DSCAM: variants seen among roughly 807,000 people sequenced by gnomAD.
The protein encoded by DSCAM is DS cell adhesion molecule.
A neutral mutation model predicts 217.7 loss-of-function variants in DSCAM; 47 were observed. The ratio of observed to expected loss-of-function variants is 0.22; its 90% CI spans 0.17 to 0.28. DSCAM has a LOEUF of 0.28. Among genes scored for constraint, DSCAM ranks in the 10% least tolerant of loss-of-function variants. DSCAM has a pLI of 1.00. For synonymous variants in DSCAM, 1,056 were observed against 1,015.3 expected, an observed-to-expected ratio of 1.04 and a Z score of -0.76; for missense variants, 2,080 against 2,618.3, an observed-to-expected ratio of 0.79 and a Z score of 4.49.
intron 3 of DSCAM, among the ~76,000 whole-genome samples, chr21:40,559,782 C>CTTT (rs1568904832): frequency 9.0e-6 from 1 of 111,408 alleles, no homozygotes. Flanking sequence ...TTAAAATTTT[C>CTTT]TGTCTTTTTT....
chr21:40,623,695 T>C (rs2089555910), intron 3 of DSCAM, among the ~76,000 whole-genome samples: 1 of 152,220 alleles, frequency 6.6e-6, no homozygotes, highest in East Asian at 1.9e-4. Flanking sequence ...GAAAGGCCTC[T>C]ACAAATTCAA....
At chr21:40,411,850 C>T (rs1240173711) in intron 3 of DSCAM, among the ~76,000 whole-genome samples, 1 of 152,124 alleles carries the variant, frequency 6.6e-6, no homozygotes, top group Non-Finnish European at 1.5e-5. Flanking sequence ...CACAAACTAC[C>T]AATACTCACT....
At chr21:40,232,399 GCTTTGATACAGCC>G (rs368275942) in intron 11 of DSCAM, among the ~76,000 whole-genome samples, 196 of 152,226 alleles carry the variant, frequency 1.3e-3, no homozygotes, top group African/African-American at 4.5e-3. Flanking sequence ...CATAGGAAAA[GCTTTGATACAGCC>G]CTTTGATACA....
intron 32 of DSCAM, among the ~76,000 whole-genome samples, chr21:40,033,234 G>C (rs909779536): frequency 1.3e-4 from 20 of 152,196 alleles, no homozygotes; most frequent in African/African-American, 4.1e-4. Context: ...CGCAGAAGAC[G>C]GGTGATTTCG....
intron 3 of DSCAM, among the ~76,000 whole-genome samples, chr21:40,604,675 C>T (rs1378740344): frequency 6.6e-6 from 1 of 152,128 alleles, no homozygotes; most frequent in African/African-American, 2.4e-5. Context: ...GGAACTCATT[C>T]TTGAATAGAG....
chr21:40,173,536 G>A (rs549848295), intron 15 of DSCAM, among the ~76,000 whole-genome samples: 1 of 152,164 alleles, frequency 6.6e-6, no homozygotes, highest in Non-Finnish European at 1.5e-5. Context: ...GTTGGTCATG[G>A]GGTGTGCTCG....
intron 2 of DSCAM, among the ~76,000 whole-genome samples, chr21:40,702,281 G>C (rs1379588338): frequency 6.6e-6 from 1 of 152,118 alleles, no homozygotes; most frequent in African/African-American, 2.4e-5. Context: ...TTACAACATA[G>C]AGTGAAATTT....
intron 1 of DSCAM, among the ~76,000 whole-genome samples, chr21:40,822,177 G>C (rs1332189761): frequency 6.6e-6 from 1 of 151,458 alleles, no homozygotes; most frequent in East Asian, 1.9e-4. Flanking sequence ...AAATTAGCTG[G>C]GCATGGTAGA....
intron 30 of DSCAM, among the ~76,000 whole-genome samples, chr21:40,048,237 G>A (rs116436852): frequency 0.029 from 4,477 of 152,334 alleles, 94 homozygotes; most frequent in South Asian, 0.056. Context: ...ACAGCTGGCC[G>A]TGCCCATGAT....
At chr21:40,791,847 A>G (rs920870951) in intron 1 of DSCAM, among the ~76,000 whole-genome samples, 8 of 152,044 alleles carry the variant, frequency 5.3e-5, no homozygotes, top group Non-Finnish European at 1.2e-4. Context: ...ACTGCAGTCC[A>G]TTTCCCCACA....
chr21:40,144,805 C>T lies in DSCAM; in HGVS notation c.3019-74G>A, dbSNP rs1387815628. 17 of 1,586,666 alleles carry T rather than the reference C, an allele frequency of 1.1e-5. No homozygotes were observed. Among genetic ancestry groups the T allele is most frequent in the African/African-American group, 4.0e-5 (3 of 74,134 alleles). On this transcript the variant is annotated intron_variant, in intron 16 of 32. Coordinates refer to ENST00000400454, the MANE Select transcript of DSCAM (RefSeq NM_001389.5). This position sits in a 1 kb window ranked among gnomAD's most constrained non-coding sequence, Gnocchi z 4.8. ...AGAGCGAAATCAACGCCCACACCCACGTAGGAAAGCAGAAATAAAGTGGAG... is the reference window on the plus strand; with the variant it reads ...AGAGCGAAATCAACGCCCACACCCATGTAGGAAAGCAGAAATAAAGTGGAG...
chr21:40,556,300 T>C (rs1423061357), intron 3 of DSCAM, among the ~76,000 whole-genome samples: 2 of 152,202 alleles, frequency 1.3e-5, no homozygotes, highest in Non-Finnish European at 2.9e-5. Context: ...AGTTTGCTAT[T>C]GACTGGAAGC....
intron 32 of DSCAM, among the ~76,000 whole-genome samples, chr21:40,033,221 C>T (rs1021301762): frequency 2.0e-5 from 3 of 152,292 alleles, no homozygotes; most frequent in South Asian, 2.1e-4. Context: ...CCAGCCTGAG[C>T]GACGCAGAAG....
intron 19 of DSCAM, among the ~76,000 whole-genome samples, chr21:40,131,489 G>T (rs147501458): frequency 2.6e-5 from 4 of 152,020 alleles, no homozygotes; most frequent in African/African-American, 9.7e-5. Flanking sequence ...GCAGTTGCAC[G>T]ATCTCAGCTC....
chr21:40,195,404 C>T (rs1019494200), intron 11 of DSCAM, among the ~76,000 whole-genome samples: 20 of 152,110 alleles, frequency 1.3e-4, no homozygotes, highest in African/African-American at 4.8e-4. Flanking sequence ...TGGATAATCC[C>T]GAATGAGACA....
At chr21:40,453,052 G>GTT (rs2075733683) in intron 3 of DSCAM, among the ~76,000 whole-genome samples, 1 of 90,624 alleles carries the variant, frequency 1.1e-5, no homozygotes, top group Non-Finnish European at 2.2e-5. Flanking sequence ...GTGTGTGTGT[G>GTT]TGTGTGTGTG....
At chr21:40,754,648 C>A (rs190988831) in intron 1 of DSCAM, among the ~76,000 whole-genome samples, 203 of 152,298 alleles carry the variant, frequency 1.3e-3, no homozygotes, top group African/African-American at 4.5e-3. Context: ...GCACTTTCAC[C>A]TGCCAAAGAG....
At chr21:40,568,650 G>A (rs531799111) in intron 3 of DSCAM, among the ~76,000 whole-genome samples, 2 of 152,270 alleles carry the variant, frequency 1.3e-5, no homozygotes, top group East Asian at 3.9e-4. Context: ...AATTAATATA[G>A]TCACATAGTA....
intron 15 of DSCAM, among the ~76,000 whole-genome samples, chr21:40,171,504 A>G (rs913391999): frequency 7.3e-5 from 11 of 151,506 alleles, no homozygotes; most frequent in African/African-American, 2.4e-4. Flanking sequence ...TGCTGCCATG[A>G]TTTGTCAGTA....
Sources: gnomAD v4.1 joint callset for allele counts (sites outside exome capture counted in the v4.1 genomes callset) on GRCh38, gnomAD v4.1.1 for gene constraint, Gnocchi (gnomAD v3.1) non-coding constraint, MANE v1.5 for transcripts, NCBI Gene and HGNC (gene_info 2026-07-23, HGNC 2026-07-21) for gene names.